Variants in STARD13 observed in about 807,000 individuals in gnomAD.
The protein encoded by STARD13 is StAR related lipid transfer domain containing 13, also known as stAR-related lipid transfer protein 13.
In STARD13, 62 loss-of-function variants were observed where a neutral mutation model predicts 106.4. That is an observed-to-expected ratio of 0.58 (90% confidence interval 0.48 to 0.72). The LOEUF is 0.72. Ranked by LOEUF, STARD13 falls within the 30% of genes least tolerant of loss-of-function variation. STARD13 has a pLI of 0.00. For synonymous variants in STARD13, 565 were observed against 553.0 expected, an observed-to-expected ratio of 1.02 and a Z score of -0.31; for missense variants, 1,387 against 1,424.0, an observed-to-expected ratio of 0.97 and a Z score of 0.42.
chr13:33,380,398 G>A, the STARD13 span, among the ~76,000 whole-genome samples: 4 of 146,694 alleles, frequency 2.7e-5, no homozygotes, highest in African/African-American at 1.0e-4. Flanking sequence ...CTGGGCAACT[G>A]AGCGGGATTC....
chr13:33,273,555 G>A (rs779946119), intron 1 of STARD13, among the ~76,000 whole-genome samples: 2 of 152,156 alleles, frequency 1.3e-5, no homozygotes, highest in Non-Finnish European at 2.9e-5. Context: ...TAAACTCTAA[G>A]AATAAATTTC....
At chr13:33,321,243 C>T (rs908372463) in intron 1 of STARD13, among the ~76,000 whole-genome samples, 2 of 151,998 alleles carry the variant, frequency 1.3e-5, no homozygotes, top group African/African-American at 4.8e-5. Context: ...GGTGGCTTAC[C>T]TGAGGTAACC....
chr13:33,614,482 G>C, the STARD13 span, among the ~76,000 whole-genome samples: 1 of 152,160 alleles, frequency 6.6e-6, no homozygotes, highest in Non-Finnish European at 1.5e-5. Context: ...TGTGGATTCT[G>C]TGTCCACCCT....
chr13:33,295,189 T>A (rs1272456469), intron 1 of STARD13, among the ~76,000 whole-genome samples: 1 of 152,184 alleles, frequency 6.6e-6, no homozygotes, highest in African/African-American at 2.4e-5. Context: ...CCTTCCATAT[T>A]CCTAATATAA....
At chr13:33,579,967 G>T in the STARD13 span, among the ~76,000 whole-genome samples, 1 of 152,042 alleles carries the variant, frequency 6.6e-6, no homozygotes, top group Non-Finnish European at 1.5e-5. Flanking sequence ...TGATGGAAAC[G>T]CAAAATGGTA....
the STARD13 span, among the ~76,000 whole-genome samples, chr13:33,419,982 G>C: frequency 6.6e-6 from 1 of 152,200 alleles, no homozygotes. Flanking sequence ...GGAACAAGCA[G>C]TACCAGCCAC....
the STARD13 span, among the ~76,000 whole-genome samples, chr13:33,385,218 A>AATATGAATATAT: frequency 1.2e-3 from 39 of 33,578 alleles, 1 homozygote; most frequent in Admixed American, 3.8e-3. Context: ...AAAGGTTCGG[A>AATATGAATATAT]ATATATATAT....
chr13:33,227,962 A>G (rs555759110), intron 1 of STARD13, among the ~76,000 whole-genome samples: 1 of 152,336 alleles, frequency 6.6e-6, no homozygotes, highest in Non-Finnish European at 1.5e-5. Context: ...GAACATAATG[A>G]TAGATTGAAT....
At chr13:33,123,922 A>G (rs1593891402) in intron 7 of STARD13, among the ~76,000 whole-genome samples, 1 of 152,120 alleles carries the variant, frequency 6.6e-6, no homozygotes, top group South Asian at 2.1e-4. Flanking sequence ...TGTGGCATAG[A>G]AGGGGTTATT....
At chr13:33,333,748 A>G (rs2077863570) in intron 1 of STARD13, 1 of 152,218 alleles carries the variant, frequency 6.6e-6, no homozygotes, top group South Asian at 2.1e-4. Context: ...GAAACATGGG[A>G]AAGGCTTTGC....
the STARD13 span, among the ~76,000 whole-genome samples, chr13:33,476,658 T>C: frequency 6.6e-6 from 1 of 152,246 alleles, no homozygotes; most frequent in Non-Finnish European, 1.5e-5. Flanking sequence ...CAGTTAGACT[T>C]ATGCAGGAAG....
intron 1 of STARD13, among the ~76,000 whole-genome samples, chr13:33,298,415 G>A (rs189189523): frequency 6.6e-6 from 1 of 151,160 alleles, no homozygotes; most frequent in Non-Finnish European, 1.5e-5. Flanking sequence ...GGGATTACAG[G>A]CGTGAGCCAC....
the STARD13 span, among the ~76,000 whole-genome samples, chr13:33,572,574 G>A: frequency 6.6e-6 from 1 of 152,080 alleles, no homozygotes; most frequent in African/African-American, 2.4e-5. Context: ...TATATCAAAT[G>A]CAACTTACAT....
chr13:33,479,334 C>A, the STARD13 span, among the ~76,000 whole-genome samples: 1 of 152,170 alleles, frequency 6.6e-6, no homozygotes, highest in African/African-American at 2.4e-5. Context: ...TCTGGCAGAG[C>A]TCCCTGTGTA....
the STARD13 span, among the ~76,000 whole-genome samples, chr13:33,472,002 T>A: frequency 6.6e-6 from 1 of 152,036 alleles, no homozygotes; most frequent in Admixed American, 6.6e-5. Context: ...GCCTGGTGAG[T>A]GAAATTATGT....
At chr13:33,183,490 G>C (rs922204198) in intron 1 of STARD13, among the ~76,000 whole-genome samples, 5 of 152,230 alleles carry the variant, frequency 3.3e-5, no homozygotes, top group Admixed American at 3.3e-4. Context: ...GATGTAAAGA[G>C]GCTGAAGGGC....
the STARD13 span, among the ~76,000 whole-genome samples, chr13:33,360,344 A>G: frequency 6.6e-6 from 1 of 152,004 alleles, no homozygotes. Flanking sequence ...AGCTGGGACT[A>G]TAGGCGCGTG....
the STARD13 span, among the ~76,000 whole-genome samples, chr13:33,543,570 A>T: frequency 2.6e-5 from 4 of 152,234 alleles, no homozygotes; most frequent in African/African-American, 9.6e-5. Context: ...AAAATATATA[A>T]TGAAACAAAT....
At chr13:33,594,448 G>A in the STARD13 span, among the ~76,000 whole-genome samples, 20 of 152,022 alleles carry the variant, frequency 1.3e-4, no homozygotes, top group African/African-American at 4.8e-4. Flanking sequence ...GAACTTTGAA[G>A]TTTGTTAGAC....
Sources: gnomAD v4.1 joint callset for allele counts (sites outside exome capture counted in the v4.1 genomes callset) on GRCh38, gnomAD v4.1.1 for gene constraint, MANE v1.5 for transcripts, NCBI Gene and HGNC (gene_info 2026-07-23, HGNC 2026-07-21) for gene names.